Variants in GALNT13 observed in about 807,000 individuals in gnomAD.
GALNT13 encodes the protein polypeptide N-acetylgalactosaminyltransferase 13, also known as UDP-GalNAc:polypeptide N-acetylgalactosaminyltransferase 13.
Under a neutral mutation model 64.2 loss-of-function variants are expected in GALNT13, and 28 were observed. That is an observed-to-expected ratio of 0.44 (90% confidence interval 0.32 to 0.60). The LOEUF is 0.60. Ranked by LOEUF, GALNT13 falls within the 20% of genes least tolerant of loss-of-function variation. The probability of loss-of-function intolerance (pLI) is 0.05; values close to 1 mark genes in which losing one functional copy is unlikely to be tolerated. For missense variants in GALNT13, 577 were observed against 669.8 expected (o/e 0.86, Z 1.53); for synonymous variants, 214 against 224.6 (o/e 0.95, Z 0.42).
the GALNT13 span, among the ~76,000 whole-genome samples, chr2:153,425,684 G>T: frequency 6.6e-6 from 1 of 151,780 alleles, no homozygotes; most frequent in Non-Finnish European, 1.5e-5. Flanking sequence ...TTTCAGTAAT[G>T]CTATACATGT....
intron 3 of GALNT13, among the ~76,000 whole-genome samples, chr2:154,001,189 A>T (rs1402204281): frequency 6.6e-6 from 1 of 151,940 alleles, no homozygotes; most frequent in Admixed American, 6.6e-5. Flanking sequence ...TTAAAGGTGA[A>T]GTAGATTTCT....
At chr2:154,319,336 G>A (rs1481522645) in intron 9 of GALNT13, among the ~76,000 whole-genome samples, 1 of 152,140 alleles carries the variant, frequency 6.6e-6, no homozygotes, top group East Asian at 1.9e-4. Context: ...TATAGTGAAT[G>A]TTACTGGAAG....
At chr2:153,643,668 G>A in the GALNT13 span, among the ~76,000 whole-genome samples, 1 of 151,802 alleles carries the variant, frequency 6.6e-6, no homozygotes, top group Admixed American at 6.6e-5. Flanking sequence ...AGACATGTAA[G>A]TCTGATCTCA....
At chr2:153,683,814 C>T in the GALNT13 span, among the ~76,000 whole-genome samples, 1 of 151,670 alleles carries the variant, frequency 6.6e-6, no homozygotes, top group Non-Finnish European at 1.5e-5. Flanking sequence ...ACTACTTCTT[C>T]TAGGATCTGT....
intron 4 of GALNT13, among the ~76,000 whole-genome samples, chr2:154,221,543 G>A (rs1346051857): frequency 6.6e-6 from 1 of 152,068 alleles, no homozygotes; most frequent in African/African-American, 2.4e-5. Flanking sequence ...TAAGACAGCA[G>A]TGATCTTGAA....
chr2:153,362,363 A>C, the GALNT13 span, among the ~76,000 whole-genome samples: 1 of 152,132 alleles, frequency 6.6e-6, no homozygotes, highest in African/African-American at 2.4e-5. Flanking sequence ...GACAGGATCA[A>C]ATTCACACCT....
At chr2:153,715,982 G>T in the GALNT13 span, among the ~76,000 whole-genome samples, 1 of 151,998 alleles carries the variant, frequency 6.6e-6, no homozygotes, top group Non-Finnish European at 1.5e-5. Context: ...CCTGAGCTCT[G>T]TTTTTGTTTT....
intron 3 of GALNT13, among the ~76,000 whole-genome samples, chr2:154,083,062 T>C (rs2105419094): frequency 6.6e-6 from 1 of 152,212 alleles, no homozygotes; most frequent in Non-Finnish European, 1.5e-5. Context: ...ATTTAGGCCT[T>C]TAATCCATCC....
chr2:154,145,437 C>T (rs2105597630), intron 4 of GALNT13, among the ~76,000 whole-genome samples: 1 of 151,762 alleles, frequency 6.6e-6, no homozygotes, highest in African/African-American at 2.4e-5. Flanking sequence ...TAAATAGATG[C>T]CATTTTGTTT....
At chr2:154,051,899 T>A (rs1488616184) in intron 3 of GALNT13, among the ~76,000 whole-genome samples, 1 of 152,200 alleles carries the variant, frequency 6.6e-6, no homozygotes, top group African/African-American at 2.4e-5. Flanking sequence ...CCAATGTATA[T>A]TTAGAAATGA....
At chr2:153,861,283 A>G in the GALNT13 span, among the ~76,000 whole-genome samples, 3 of 152,158 alleles carry the variant, frequency 2.0e-5, no homozygotes, top group African/African-American at 2.4e-5. Flanking sequence ...CGAAATAACT[A>G]CTTCTCAGAG....
At chr2:153,645,862 G>T in the GALNT13 span, among the ~76,000 whole-genome samples, 2 of 152,000 alleles carry the variant, frequency 1.3e-5, no homozygotes, top group Admixed American at 6.6e-5. Flanking sequence ...GAGCAGCAGG[G>T]AGAATTGTTG....
At chr2:153,170,318 T>TA in the GALNT13 span, among the ~76,000 whole-genome samples, 23 of 152,186 alleles carry the variant, frequency 1.5e-4, no homozygotes, top group Admixed American at 1.4e-3. Context: ...TTGTTTTTTT[T>TA]AATAACAAAT....
At chr2:153,843,622 C>T in the GALNT13 span, among the ~76,000 whole-genome samples, 3 of 152,244 alleles carry the variant, frequency 2.0e-5, no homozygotes, top group Non-Finnish European at 2.9e-5. Context: ...TTAACTTAGT[C>T]TGGCATTAAC....
At chr2:153,562,929 C>T in the GALNT13 span, among the ~76,000 whole-genome samples, 26 of 152,116 alleles carry the variant, frequency 1.7e-4, no homozygotes, top group Non-Finnish European at 3.4e-4. Flanking sequence ...TTCTCAGTTG[C>T]GTGATGTACC....
chr2:153,271,825 A>G, the GALNT13 span, among the ~76,000 whole-genome samples: 3 of 152,192 alleles, frequency 2.0e-5, no homozygotes, highest in Non-Finnish European at 4.4e-5. Context: ...CCTAAGCAAA[A>G]AGAACAAAGC....
At chr2:153,527,810 G>A in the GALNT13 span, among the ~76,000 whole-genome samples, 1 of 151,938 alleles carries the variant, frequency 6.6e-6, no homozygotes, top group African/African-American at 2.4e-5. Flanking sequence ...AGTTTTTATT[G>A]GTTTTCTTTT....
the GALNT13 span, among the ~76,000 whole-genome samples, chr2:153,640,734 A>G: frequency 6.6e-6 from 1 of 152,160 alleles, no homozygotes; most frequent in Non-Finnish European, 1.5e-5. Context: ...GTGAGCCGAG[A>G]TATTGCCACA....
intron 3 of GALNT13, among the ~76,000 whole-genome samples, chr2:154,120,836 A>C (rs1681899712): frequency 6.6e-6 from 1 of 152,124 alleles, no homozygotes. Context: ...TGGTGCCACA[A>C]CTGGCAGGAA....
Sources: gnomAD v4.1 joint callset for allele counts (sites outside exome capture counted in the v4.1 genomes callset) on GRCh38, gnomAD v4.1.1 for gene constraint, MANE v1.5 for transcripts, NCBI Gene and HGNC (gene_info 2026-07-23, HGNC 2026-07-21) for gene names.